Variants in GRM5 observed in about 807,000 individuals in gnomAD.
GRM5 encodes the protein metabotropic glutamate receptor 5.
In GRM5, 19 loss-of-function variants were observed where a neutral mutation model predicts 83.1. The ratio of observed to expected loss-of-function variants is 0.23; its 90% CI spans 0.16 to 0.34. The LOEUF (loss-of-function observed/expected upper bound fraction) is 0.34, where lower values mean the gene tolerates loss of function less well. Among genes scored for constraint, GRM5 ranks in the 10% least tolerant of loss-of-function variants. The pLI is 1.00. For synonymous variants in GRM5, 675 were observed against 633.6 expected (o/e 1.07, Z -0.98); for missense variants, 1,160 against 1,588.3 (o/e 0.73, Z 4.58).
chr11:88,977,647 T>G (rs1939384650), intron 2 of GRM5, among the ~76,000 whole-genome samples: 1 of 152,198 alleles, frequency 6.6e-6, no homozygotes, highest in African/African-American at 2.4e-5. Context: ...TGAGACTAGC[T>G]CAAAATAAGT....
chr11:88,927,272 T>C (rs1378101627), intron 2 of GRM5, among the ~76,000 whole-genome samples: 1 of 152,140 alleles, frequency 6.6e-6, no homozygotes, highest in Non-Finnish European at 1.5e-5. Flanking sequence ...TACCCCAGAA[T>C]TTAAAATTAA....
chr11:88,570,471 T>C (rs1169108995), intron 7 of GRM5, among the ~76,000 whole-genome samples: 1 of 149,422 alleles, frequency 6.7e-6, no homozygotes, highest in Non-Finnish European at 1.5e-5. Flanking sequence ...CCTCTGATAC[T>C]TTAGTATGCC....
At chr11:88,725,863 C>CA (rs35043798) in intron 3 of GRM5, among the ~76,000 whole-genome samples, 6 of 151,952 alleles carry the variant, frequency 3.9e-5, no homozygotes, top group Admixed American at 2.0e-4. Flanking sequence ...AGGATGTCCA[C>CA]AAAAAACTCC....
At chr11:88,776,630 C>T (rs921799399) in intron 3 of GRM5, among the ~76,000 whole-genome samples, 2 of 152,148 alleles carry the variant, frequency 1.3e-5, no homozygotes, top group Non-Finnish European at 2.9e-5. Context: ...GTAACGCAGG[C>T]CTGGTGGTGA....
At chr11:88,861,278 T>G (rs1423617501) in intron 2 of GRM5, among the ~76,000 whole-genome samples, 1 of 152,062 alleles carries the variant, frequency 6.6e-6, no homozygotes, top group Non-Finnish European at 1.5e-5. Context: ...TGCCTTTTCC[T>G]GAGGCACAGC....
At chr11:88,728,235 T>C (rs1941725382) in intron 3 of GRM5, among the ~76,000 whole-genome samples, 1 of 152,038 alleles carries the variant, frequency 6.6e-6, no homozygotes, top group Non-Finnish European at 1.5e-5. Context: ...CATCAGAGAA[T>C]ACTATAAACA....
chr11:88,766,423 C>A (rs1942625704), intron 3 of GRM5, among the ~76,000 whole-genome samples: 1 of 151,934 alleles, frequency 6.6e-6, no homozygotes. Flanking sequence ...ACTATCAGAT[C>A]ATTGACAAAC....
At chr11:88,601,572 A>T (rs1328994370) in intron 5 of GRM5, among the ~76,000 whole-genome samples, 2 of 152,100 alleles carry the variant, frequency 1.3e-5, no homozygotes, top group Non-Finnish European at 2.9e-5. Context: ...GGCTTTGTGC[A>T]ATTTCAAATT....
intron 2 of GRM5, among the ~76,000 whole-genome samples, chr11:88,873,358 T>C (rs1944800673): frequency 6.6e-6 from 1 of 151,590 alleles, no homozygotes; most frequent in Non-Finnish European, 1.5e-5. Flanking sequence ...GTAGACCAAA[T>C]AAACCTAATA....
chr11:88,936,593 A>G (rs1251292713), intron 2 of GRM5, among the ~76,000 whole-genome samples: 1 of 151,878 alleles, frequency 6.6e-6, no homozygotes, highest in Non-Finnish European at 1.5e-5. Flanking sequence ...ATAAAACTAA[A>G]CAAGACACAT....
intron 2 of GRM5, among the ~76,000 whole-genome samples, chr11:88,862,916 C>T (rs1944590781): frequency 6.6e-6 from 1 of 151,724 alleles, no homozygotes; most frequent in South Asian, 2.1e-4. Flanking sequence ...AATAAATTTA[C>T]AAGAAAAAAA....
intron 2 of GRM5, among the ~76,000 whole-genome samples, chr11:88,944,914 C>T (rs1308901542): frequency 6.6e-6 from 1 of 151,860 alleles, no homozygotes; most frequent in African/African-American, 2.4e-5. Flanking sequence ...AAAATAAGAA[C>T]TCAAACTATT....
At chr11:88,899,676 T>C (rs1258753068) in intron 2 of GRM5, among the ~76,000 whole-genome samples, 1 of 151,946 alleles carries the variant, frequency 6.6e-6, no homozygotes, top group Non-Finnish European at 1.5e-5. Flanking sequence ...TGAAATAATC[T>C]TGTATTATCC....
At chr11:88,889,459 G>C (rs549724701) in intron 2 of GRM5, among the ~76,000 whole-genome samples, 3 of 152,044 alleles carry the variant, frequency 2.0e-5, no homozygotes, top group Non-Finnish European at 4.4e-5. Flanking sequence ...AAAACACCTT[G>C]TACACTCACT....
intron 2 of GRM5, among the ~76,000 whole-genome samples, chr11:89,025,790 T>C (rs1941115733): frequency 6.6e-6 from 1 of 152,196 alleles, no homozygotes; most frequent in South Asian, 2.1e-4. Context: ...CTCAAAGTAC[T>C]TAAAACAGTA....
In GRM5 at chr11:88,510,304, C is replaced by T. The variant is rs148863443; in HGVS notation, c.2727-800G>A. 5.9e-3 allele frequency among the ~76,000 whole-genome samples: 899 copies of T among 152,288 alleles called. 11 individuals carry two copies. The highest frequency in any genetic ancestry group is 0.02 in the African/African-American group (846 of 41,550). ...ATCCTGGTGAATATTGAGGGACTGA[C>T]AAGTTTTTTGAAGGCCTTTCTCTCT... On this transcript the variant is annotated intron_variant, in intron 9 of 9. Transcript: ENST00000305447.
At chr11:88,959,672 T>G (rs1222374096) in intron 2 of GRM5, among the ~76,000 whole-genome samples, 4 of 152,134 alleles carry the variant, frequency 2.6e-5, no homozygotes, top group Admixed American at 6.5e-5. Context: ...CTGCTCCACA[T>G]AACAGTTTCA....
chr11:88,686,788 C>T (rs569648015), intron 3 of GRM5, among the ~76,000 whole-genome samples: 18 of 152,158 alleles, frequency 1.2e-4, no homozygotes, highest in Admixed American at 2.0e-4. Flanking sequence ...CACCTCCTGC[C>T]GTGATTCTGA....
intron 2 of GRM5, among the ~76,000 whole-genome samples, chr11:88,945,722 A>G (rs1460455208): frequency 6.6e-6 from 1 of 152,138 alleles, no homozygotes; most frequent in Non-Finnish European, 1.5e-5. Context: ...CTTTTACCAT[A>G]TTCAAAAATT....
Sources: gnomAD v4.1 joint callset for allele counts (sites outside exome capture counted in the v4.1 genomes callset) on GRCh38, gnomAD v4.1.1 for gene constraint, MANE v1.5 for transcripts, NCBI Gene and HGNC (gene_info 2026-07-23, HGNC 2026-07-21) for gene names.